The following PAK4 variants were observed in gnomAD, a reference collection of about 807,000 sequenced individuals.
The protein encoded by PAK4 is p21 (RAC1) activated kinase 4.
PAK4 carries 49 observed loss-of-function variants against 53.5 expected under a neutral mutation model. The ratio of observed to expected loss-of-function variants is 0.92; its 90% CI spans 0.73 to 1.16. The LOEUF is 1.16. PAK4 is among the 50% of genes most tolerant of loss of function. The pLI is 0.00. For synonymous variants in PAK4, 376 were observed against 375.6 expected, an observed-to-expected ratio of 1.00 and a Z score of -0.01; for missense variants, 824 against 850.7, an observed-to-expected ratio of 0.97 and a Z score of 0.39.
intron 1 of PAK4, among the ~76,000 whole-genome samples, chr19:39,145,957 G>C (rs59944493): frequency 0.27 from 41,406 of 152,106 alleles, 6,550 homozygotes; most frequent in East Asian, 0.37. Flanking sequence ...GGCATGTGTT[G>C]ACCCCTGCCC....
intron 1 of PAK4, among the ~76,000 whole-genome samples, chr19:39,142,974 G>A (rs947817654): frequency 2.6e-5 from 4 of 152,040 alleles, no homozygotes; most frequent in Admixed American, 6.6e-5. Context: ...AGTCCTGGGG[G>A]CCTCCTCACT....
Position 39,175,061 on chromosome 19 carries a change from C to T in PAK4, c.1229C>T (p.Thr410Ile), listed in dbSNP as rs1284542433. 1 of 1,607,652 alleles carries T rather than the reference C, an allele frequency of 6.2e-7. No homozygotes were observed. Among genetic ancestry groups the T allele is most frequent in the South Asian group, 1.1e-5 (1 of 89,912 alleles). The change falls in exon 5 of 9, where the codon ACC (threonine) becomes ATC (isoleucine). Residue 410 changes from threonine (T) to isoleucine (I), a missense_variant. Around this residue, in one of 2 missense-constraint regions of PAK4, gnomAD observed 346 missense variants for 415.0 expected, o/e 0.83. Transcript: ENST00000358301. The surrounding 1 kb of genome is among the most constrained non-coding windows in gnomAD (Gnocchi z 4.7). ...GCCCTCACCGACATCGTCACCCACA[C>T]CAGGTATTTCTGGGGCCTCAGACCC...
rs2074287719 is a variant in PAK4 at position 39,161,717 on chromosome 19, C to T, written c.-22-7815C>T. Among the ~76,000 whole-genome samples the T allele has an allele frequency of 6.6e-6, 1 of 151,946 alleles. No individual in the cohort carries two copies. Among genetic ancestry groups the T allele is most frequent in the Non-Finnish European group, 1.5e-5 (1 of 67,984 alleles). On this transcript the variant is annotated intron_variant, in intron 1 of 8. Coordinates refer to ENST00000358301, the Ensembl canonical transcript of PAK4. The surrounding 1 kb of genome is among the most constrained non-coding windows in gnomAD (Gnocchi z 4.5). ...GGCCCCCAAAGCCCCACACGATCTG[C>T]CCCATTACCTCCTTGGCCTGTCCTT...
intron 1 of PAK4, among the ~76,000 whole-genome samples, chr19:39,166,510 T>C (rs771736246): frequency 6.6e-6 from 1 of 152,226 alleles, no homozygotes; most frequent in Non-Finnish European, 1.5e-5. Context: ...AGGAGGAAAC[T>C]GAGGCACAGC....
chr19:39,140,607 A>G (rs1257337555), intron 1 of PAK4, among the ~76,000 whole-genome samples: 2 of 152,204 alleles, frequency 1.3e-5, no homozygotes, highest in Admixed American at 6.5e-5. Context: ...TTACATTGCA[A>G]GAGCCTTTAT....
intron 1 of PAK4, among the ~76,000 whole-genome samples, chr19:39,133,519 G>A (rs1271166021): frequency 3.9e-5 from 6 of 152,122 alleles, no homozygotes; most frequent in Admixed American, 2.0e-4. Flanking sequence ...GGATTTGGAT[G>A]CTGGAGGCCT....
At chr19:39,158,554 G>A (rs1600367606) in intron 1 of PAK4, among the ~76,000 whole-genome samples, 1 of 152,240 alleles carries the variant, frequency 6.6e-6, no homozygotes, top group South Asian at 2.1e-4. Context: ...TCCCCACCCT[G>A]AGTACCTCTG....
chr19:39,128,561 G>A (rs890024089), intron 1 of PAK4, among the ~76,000 whole-genome samples: 5 of 152,210 alleles, frequency 3.3e-5, no homozygotes, highest in African/African-American at 4.8e-5. Context: ...ACCAGCCATG[G>A]GACAAATGAT....
At chr19:39,132,014 G>A (rs768498486) in intron 1 of PAK4, among the ~76,000 whole-genome samples, 7 of 152,080 alleles carry the variant, frequency 4.6e-5, no homozygotes, top group Non-Finnish European at 8.8e-5. Context: ...GATGGTTTCC[G>A]TCCCTTGCAC....
At chr19:39,170,343 G>A (rs2074455380) in intron 2 of PAK4, among the ~76,000 whole-genome samples, 1 of 152,130 alleles carries the variant, frequency 6.6e-6, no homozygotes, top group Non-Finnish European at 1.5e-5. Flanking sequence ...AAACGCTGGG[G>A]GCTTTTTGGT....
chr19:39,130,646 A>G (rs2073691343), intron 1 of PAK4, among the ~76,000 whole-genome samples: 1 of 152,012 alleles, frequency 6.6e-6, no homozygotes, highest in Non-Finnish European at 1.5e-5. Flanking sequence ...GCAGTTAAAG[A>G]AATACATAAA....
At chr19:39,159,684 G>C (rs898662069) in intron 1 of PAK4, among the ~76,000 whole-genome samples, 1 of 152,194 alleles carries the variant, frequency 6.6e-6, no homozygotes, top group African/African-American at 2.4e-5. Flanking sequence ...CACTGTGCCC[G>C]GCCATGGACC....
rs763646682 is a variant in PAK4, at chr19:39,173,311, G to A, written c.598G>A (p.Ala200Thr). 5.6e-6 allele frequency: 9 copies of A among 1,599,234 alleles called. No individual in the cohort carries two copies. In the African/African-American group the frequency reaches 8.1e-5, roughly 14 times the overall value. Reference sequence around the variant, plus strand: ...TGGTCTGGCCAGTGGGGCGAAACTGGCAGCTGGCCGGCCCTTTAACACCTA... The same window carrying A: ...TGGTCTGGCCAGTGGGGCGAAACTGACAGCTGGCCGGCCCTTTAACACCTA... Residue 200 changes from alanine (A) to threonine (T), a missense_variant, in exon 3 of 9, where the codon GCA becomes ACA. Physicochemically the swap from Ala to Thr is moderately conservative, Grantham distance 58. Around this residue, in one of 2 missense-constraint regions of PAK4, gnomAD observed 478 missense variants for 435.8 expected, o/e 1.10. Transcript: ENST00000358301. The surrounding 1 kb of genome is among the most constrained non-coding windows in gnomAD (Gnocchi z 6.9).
At chr19:39,169,676 C>A (rs1267698343) in exon 2 of PAK4, 1 of 1,613,312 alleles carries the variant, frequency 6.2e-7, no homozygotes, top group South Asian at 1.1e-5. Context: ...AGTGGCAGAG[C>A]CTGATCGAGG....
At position 39,165,515 on chromosome 19, in the gene PAK4, AAAATAAATAAATAAATAAAT is replaced by A. The variant is rs57100878; in HGVS notation, c.-22-3997_-22-3978del. Among the ~76,000 whole-genome samples the A allele has an allele frequency of 2.2e-5, 3 of 135,042 alleles. No homozygotes were observed. The Admixed American group carries it at 2.3e-4, about 10-fold the overall frequency. The allele number at this position is 135,042 out of a possible 152,430, so 88.6% of individuals were successfully genotyped here. A position where few individuals can be genotyped will look rare whatever the true frequency, so the allele number is the denominator to read the frequency against. ...GGGCGACAGAGCAAGACTCCCTCTC[AAAATAAATAAATAAATAAAT>A]AAATAAATAAATAAATAAAATAATA... On this transcript the variant is annotated intron_variant, in intron 1 of 8. Coordinates refer to ENST00000358301, the Ensembl canonical transcript of PAK4.
intron 1 of PAK4, among the ~76,000 whole-genome samples, chr19:39,142,850 T>C (rs1420093928): frequency 6.6e-6 from 1 of 152,178 alleles, no homozygotes; most frequent in Non-Finnish European, 1.5e-5. Context: ...CATACGTCCC[T>C]TGGGCTGTGG....
chr19:39,127,607 C>T (rs546074139), intron 1 of PAK4, among the ~76,000 whole-genome samples: 15 of 152,144 alleles, frequency 9.9e-5, no homozygotes, highest in East Asian at 5.8e-4. Flanking sequence ...GGCACTGTGC[C>T]GGGTGCTGGG....
exon 7 of PAK4, chr19:39,176,595 G>A: frequency 6.2e-7 from 1 of 1,613,750 alleles, no homozygotes; most frequent in South Asian, 1.1e-5. Flanking sequence ...CCCAGGTGAA[G>A]CTGTCAGACT....
Position 39,173,503 on chromosome 19 carries a change from G to A in PAK4, c.664-73G>A. On this transcript the variant is annotated intron_variant, in intron 3 of 8. Coordinates refer to ENST00000358301, the Ensembl canonical transcript of PAK4. The surrounding 1 kb of genome is among the most constrained non-coding windows in gnomAD (Gnocchi z 6.9). ...ACCCATGTGTCTGTCCCATCGCTGG[G>A]TCTCTCTCCTGCTTAGGGAGCAGAG... The A allele has an allele frequency of 7.2e-7, 1 of 1,385,470 alleles. No individual in the cohort carries two copies. The highest frequency in any genetic ancestry group is 9.8e-7 in the Non-Finnish European group (1 of 1,019,434). The allele number at this position is 1,385,470 out of a possible 1,614,324, so 85.8% of individuals were successfully genotyped here.
Sources: gnomAD v4.1 joint callset for allele counts (sites outside exome capture counted in the v4.1 genomes callset) on GRCh38, gnomAD v4.1.1 for gene constraint, gnomAD v4.1.1 regional missense constraint, Gnocchi (gnomAD v3.1) non-coding constraint, MANE v1.5 for transcripts, NCBI Gene and HGNC (gene_info 2026-07-23, HGNC 2026-07-21) for gene names.